Variants in CSRNP3 observed in about 807,000 individuals in gnomAD.
The protein encoded by CSRNP3 is cysteine/serine-rich nuclear protein 3.
Under a neutral mutation model 48.0 loss-of-function variants are expected in CSRNP3, and 12 were observed. The observed-to-expected ratio is 0.25, with a 90% CI of 0.16 to 0.41. The LOEUF (loss-of-function observed/expected upper bound fraction) is 0.41. Ranked by LOEUF, CSRNP3 falls within the 10% of genes least tolerant of loss-of-function variation. CSRNP3 has a pLI of 1.00. For synonymous variants in CSRNP3, 263 were observed against 269.7 expected, an observed-to-expected ratio of 0.98 and a Z score of 0.24; for missense variants, 580 against 724.4, an observed-to-expected ratio of 0.80 and a Z score of 2.29.
At chr2:165,621,247 T>G (rs1404333274) in intron 4 of CSRNP3, among the ~76,000 whole-genome samples, 1 of 151,658 alleles carries the variant, frequency 6.6e-6, no homozygotes, top group Non-Finnish European at 1.5e-5. Context: ...TCTGCAGGCG[T>G]CCTACCAAAA....
At chr2:165,515,806 T>C (rs188805614) in intron 2 of CSRNP3, among the ~76,000 whole-genome samples, 24,713 of 141,646 alleles carry the variant, frequency 0.17, 2,257 homozygotes, top group Non-Finnish European at 0.2. Context: ...CCTTTCTTTT[T>C]TTTTTTTTTT....
intron 4 of CSRNP3, among the ~76,000 whole-genome samples, chr2:165,603,573 C>T (rs1685956961): frequency 1.3e-5 from 2 of 152,076 alleles, no homozygotes; most frequent in Non-Finnish European, 2.9e-5. Flanking sequence ...CCCAGTGTAG[C>T]ACTCACCGCT....
At chr2:165,606,993 A>G (rs1686039935) in intron 4 of CSRNP3, among the ~76,000 whole-genome samples, 1 of 152,140 alleles carries the variant, frequency 6.6e-6, no homozygotes, top group African/African-American at 2.4e-5. Flanking sequence ...ACCAATCTGA[A>G]ATAAATATAG....
intron 3 of CSRNP3, among the ~76,000 whole-genome samples, chr2:165,561,407 T>C (rs752692929): frequency 3.3e-5 from 5 of 152,140 alleles, no homozygotes; most frequent in Non-Finnish European, 7.4e-5. Context: ...GCTCAAAAAA[T>C]GAGAATGGTT....
chr2:165,600,831 C>G (rs1685902745), intron 4 of CSRNP3, among the ~76,000 whole-genome samples: 1 of 152,030 alleles, frequency 6.6e-6, no homozygotes, highest in South Asian at 2.1e-4. Context: ...TCTCATGTAC[C>G]CAGTGTTTTA....
At chr2:165,599,796 A>G (rs561840750) in intron 4 of CSRNP3, among the ~76,000 whole-genome samples, 1,605 of 139,936 alleles carry the variant, frequency 0.011, 96 homozygotes, top group Admixed American at 0.1. Flanking sequence ...AACTTTCAGA[A>G]ATATTATTAT....
chr2:165,482,179 G>A (rs71426767), intron 1 of CSRNP3, among the ~76,000 whole-genome samples: 3 of 152,028 alleles, frequency 2.0e-5, no homozygotes, highest in African/African-American at 7.2e-5. Context: ...TTGCTCAAGA[G>A]ATCCTATTCA....
Position 165,687,943 on chromosome 2 carries a change from G to A in CSRNP3, c.*8190G>A, listed in dbSNP as rs1254223772. On this transcript the variant is annotated 3_prime_UTR_variant, in exon 7 of 7. Transcript: ENST00000651982. Reference sequence around the variant, plus strand: ...TGGGATTTTTTTCAATCTTGGTACAGCTGCATATCTCCCAAACTCGGATGC... The same window carrying A: ...TGGGATTTTTTTCAATCTTGGTACAACTGCATATCTCCCAAACTCGGATGC... The A allele has an allele frequency of 2.0e-5, 3 of 151,286 alleles. No individual in the cohort carries two copies. Among genetic ancestry groups the A allele is most frequent in the African/African-American group, 7.3e-5 (3 of 41,108 alleles). The allele number at this position is 151,286 out of a possible 1,614,324, so 9.4% of individuals were successfully genotyped here. A position where few individuals can be genotyped will look rare whatever the true frequency, so the allele number is the denominator to read the frequency against.
At chr2:165,652,937 T>G (rs1686938735) in intron 4 of CSRNP3, among the ~76,000 whole-genome samples, 1 of 152,190 alleles carries the variant, frequency 6.6e-6, no homozygotes, top group Admixed American at 6.5e-5. Context: ...AAGCCAATAC[T>G]GAACTCTGTA....
At chr2:165,528,140 G>T (rs1684764926) in intron 3 of CSRNP3, among the ~76,000 whole-genome samples, 2 of 152,126 alleles carry the variant, frequency 1.3e-5, no homozygotes, top group Non-Finnish European at 2.9e-5. Flanking sequence ...TGATAGAAAT[G>T]TTGAGTCCTT....
intron 1 of CSRNP3, among the ~76,000 whole-genome samples, chr2:165,478,026 GAGAGGGAAA>G (rs1237890187): frequency 8.0e-5 from 12 of 150,108 alleles, no homozygotes; most frequent in African/African-American, 2.4e-4. Context: ...AAAGAAGAGA[GAGAGGGAAA>G]GGAAGGAAAG....
rs1687673717 is a variant in CSRNP3 at position 165,688,928 on chromosome 2, T to C, written c.*9175T>C. 2 of 152,136 alleles carry C rather than the reference T, an allele frequency of 1.3e-5. No homozygotes were observed. Among genetic ancestry groups the C allele is most frequent in the South Asian group, 4.1e-4 (2 of 4,834 alleles). 9.4% of individuals were successfully genotyped at this position (152,136 alleles called of 1,614,324 possible). On this transcript the variant is annotated 3_prime_UTR_variant, in exon 7 of 7. Transcript: ENST00000651982. The stretch of plus-strand genomic sequence containing the variant: ...TCAATATCAACAGTACTTCAATAGA[T>C]ATTTATTAGTTATGTTCAATCTAAT...
intron 3 of CSRNP3, among the ~76,000 whole-genome samples, chr2:165,541,811 G>A (rs935766019): frequency 1.3e-5 from 2 of 152,122 alleles, no homozygotes; most frequent in East Asian, 1.9e-4. Context: ...GATCACCCCA[G>A]TGTAGGGTGA....
At chr2:165,592,933 C>T (rs1685745246) in intron 3 of CSRNP3, among the ~76,000 whole-genome samples, 1 of 149,576 alleles carries the variant, frequency 6.7e-6, no homozygotes, top group Admixed American at 6.7e-5. Flanking sequence ...TCCCAAGTAG[C>T]TGGGACTACA....
intron 2 of CSRNP3, among the ~76,000 whole-genome samples, chr2:165,506,378 AC>A (rs1245911003): frequency 6.6e-6 from 1 of 152,070 alleles, no homozygotes; most frequent in African/African-American, 2.4e-5. Context: ...TGGTGGGAAA[AC>A]GGAGGGCAGG....
intron 1 of CSRNP3, among the ~76,000 whole-genome samples, chr2:165,482,824 T>C (rs894006185): frequency 2.0e-5 from 3 of 152,150 alleles, no homozygotes; most frequent in African/African-American, 7.2e-5. Context: ...TCTCCAAATA[T>C]ACTTTCACCT....
Position 165,511,578 on chromosome 2 carries a change from T to C in CSRNP3, c.-112-6295T>C, listed in dbSNP as rs577763465. On this transcript the variant is annotated intron_variant, in intron 2 of 6. Transcript: ENST00000651982. Reference sequence around the variant, plus strand: ...TACATGATCACAAATGCCAAGTGTATAGAGGATACAGTGATAGAAAAAAGG... The same window carrying C: ...TACATGATCACAAATGCCAAGTGTACAGAGGATACAGTGATAGAAAAAAGG... Among the ~76,000 whole-genome samples the C allele has an allele frequency of 3.3e-5, 5 of 152,214 alleles. No individual in the cohort carries two copies. The South Asian group carries it at 1.0e-3, about 32-fold the overall frequency.
intron 3 of CSRNP3, among the ~76,000 whole-genome samples, chr2:165,558,026 A>T (rs1685182251): frequency 6.6e-6 from 1 of 152,202 alleles, no homozygotes; most frequent in Non-Finnish European, 1.5e-5. Context: ...ATAAGTTACT[A>T]AGGGAATTTT....
In CSRNP3 at chr2:165,665,931, AAG is replaced by A. The variant is rs199981391; in HGVS notation, c.408+7918_408+7919del. ...AAGCAAAGAGAGAGAGGAAGAAAGA[AAG>A]AGAGAGGAAGGAAGGAAGGACGGAA... On this transcript the variant is annotated intron_variant, in intron 5 of 6. Transcript: ENST00000651982. Among the ~76,000 whole-genome samples, 16 of 138,018 alleles carry A rather than the reference AAG, an allele frequency of 1.2e-4. No individual in the cohort carries two copies. The East Asian group carries it at 2.0e-3, about 17-fold the overall frequency. The allele number at this position is 138,018 out of a possible 152,430, so 90.5% of individuals were successfully genotyped here.
Sources: gnomAD v4.1 joint callset for allele counts (sites outside exome capture counted in the v4.1 genomes callset) on GRCh38, gnomAD v4.1.1 for gene constraint, MANE v1.5 for transcripts, NCBI Gene and HGNC (gene_info 2026-07-23, HGNC 2026-07-21) for gene names.